Variants in SLC25A20 observed in about 807,000 individuals in gnomAD.
The protein encoded by SLC25A20 is solute carrier family 25 member 20, also known as mitochondrial carnitine/acylcarnitine carrier protein.
SLC25A20 carries 29 observed loss-of-function variants against 39.7 expected under a neutral mutation model. That is an observed-to-expected ratio of 0.73 (90% CI 0.54 to 1.00). The LOEUF (loss-of-function observed/expected upper bound fraction) is 1.00. Ranked by LOEUF, SLC25A20 falls within the 50% of genes least tolerant of loss-of-function variation. The probability of loss-of-function intolerance (pLI) is 0.00; values close to 1 mark genes in which losing one functional copy is unlikely to be tolerated. For synonymous variants in SLC25A20, 103 were observed against 142.2 expected, an observed-to-expected ratio of 0.72 and a Z score of 1.96; for missense variants, 333 against 379.9, an observed-to-expected ratio of 0.88 and a Z score of 1.03.
At chr3:48,866,224 AATTAGAGGAGAG>A (rs2083667687) in intron 4 of SLC25A20, among the ~76,000 whole-genome samples, 2 of 151,976 alleles carry the variant, frequency 1.3e-5, no homozygotes, top group African/African-American at 4.8e-5. Context: ...CAGGTTTAAC[AATTAGAGGAGAG>A]GAACTGGAAA....
chr3:48,898,765 C>G lies in SLC25A20; in HGVS notation c.30G>C (p.Pro10=). 1.2e-6 allele frequency: 2 copies of G among 1,601,276 alleles called. No homozygotes were observed. The highest frequency in any genetic ancestry group is 1.7e-4 in the Middle Eastern group (1 of 5,926). The change falls in exon 1 of 9, where the codon CCG becomes CCC. Residue 10 remains proline (P), a synonymous_variant. Coordinates refer to ENST00000319017, the MANE Select transcript of SLC25A20 (RefSeq NM_000387.6). ...AGCCGCCGGCCAGCAGGTTCTTGAG[C>G]GGGCTGATGGGTTTTGGCTGGTCGG... MADQPKPIS[P]LKNLLAGGFG...
At chr3:48,896,318 C>G (rs2083909493) in intron 1 of SLC25A20, among the ~76,000 whole-genome samples, 1 of 151,412 alleles carries the variant, frequency 6.6e-6, no homozygotes, top group African/African-American at 2.4e-5. Flanking sequence ...TACAGATGTG[C>G]ACCACCATGC....
At chr3:48,869,750 T>A (rs2083700418) in intron 4 of SLC25A20, among the ~76,000 whole-genome samples, 1 of 151,976 alleles carries the variant, frequency 6.6e-6, no homozygotes, top group Non-Finnish European at 1.5e-5. Flanking sequence ...AGTTTCAGGA[T>A]GCAGTAAGCC....
intron 5 of SLC25A20, among the ~76,000 whole-genome samples, chr3:48,860,184 C>A (rs1429697282): frequency 1.3e-5 from 2 of 151,856 alleles, no homozygotes; most frequent in Admixed American, 6.6e-5. Flanking sequence ...ACCTGTAATC[C>A]CAGCTACTCA....
intron 4 of SLC25A20, among the ~76,000 whole-genome samples, chr3:48,872,503 C>T (rs545267309): frequency 7.3e-5 from 11 of 150,998 alleles, no homozygotes; most frequent in Admixed American, 6.6e-5. Flanking sequence ...ATGATATAAG[C>T]GGAGGTCAAA....
chr3:48,882,699 C>T (rs1258841106), intron 3 of SLC25A20, among the ~76,000 whole-genome samples: 1 of 151,926 alleles, frequency 6.6e-6, no homozygotes, highest in African/African-American at 2.4e-5. Context: ...CCCGCCGCCC[C>T]GACACACACA....
intron 4 of SLC25A20, among the ~76,000 whole-genome samples, chr3:48,867,153 G>T (rs932185843): frequency 6.6e-6 from 1 of 152,046 alleles, no homozygotes; most frequent in Non-Finnish European, 1.5e-5. Flanking sequence ...TGTTGCCCAG[G>T]CTGGTCTCAA....
At chr3:48,895,639 G>T in intron 1 of SLC25A20, 9 of 243,034 alleles carry the variant, frequency 3.7e-5, no homozygotes, top group South Asian at 8.8e-5. Context: ...TATTATTCTT[G>T]TATTTGTCAG....
At chr3:48,891,295 G>T (rs2083874249) in intron 2 of SLC25A20, among the ~76,000 whole-genome samples, 1 of 151,714 alleles carries the variant, frequency 6.6e-6, no homozygotes, top group Non-Finnish European at 1.5e-5. Context: ...GGGTGGTCTT[G>T]AACTCCTGAA....
At chr3:48,876,521 A>C (rs1220019812) in intron 4 of SLC25A20, among the ~76,000 whole-genome samples, 2 of 142,612 alleles carry the variant, frequency 1.4e-5, no homozygotes, top group Non-Finnish European at 3.0e-5. Context: ...CACCTCCTGG[A>C]TTCAAGTGAT....
chr3:48,862,491 C>A, intron 5 of SLC25A20, 51 bp downstream of exon 5: 1 of 1,159,912 alleles, frequency 8.6e-7, no homozygotes, highest in South Asian at 1.2e-5. Flanking sequence ...GCAGCAGACC[C>A]ACCTCAGGTG....
chr3:48,879,667 G>A (rs933186487), intron 3 of SLC25A20, among the ~76,000 whole-genome samples: 1 of 152,178 alleles, frequency 6.6e-6, no homozygotes, highest in African/African-American at 2.4e-5. Flanking sequence ...CAAGAGCAAT[G>A]GGAGTCTGGC....
chr3:48,860,795 A>G (rs1316560577), intron 5 of SLC25A20, among the ~76,000 whole-genome samples: 1 of 151,412 alleles, frequency 6.6e-6, no homozygotes, highest in African/African-American at 2.4e-5. Flanking sequence ...CTCAAAAAAA[A>G]AAGAAAAAGA....
intron 4 of SLC25A20, among the ~76,000 whole-genome samples, chr3:48,869,398 A>G (rs2083695675): frequency 6.6e-6 from 1 of 152,178 alleles, no homozygotes; most frequent in Non-Finnish European, 1.5e-5. Context: ...CTGTACTCCC[A>G]GCACTTTGGG....
intron 2 of SLC25A20, among the ~76,000 whole-genome samples, chr3:48,889,882 G>A (rs747204035): frequency 8.5e-5 from 13 of 152,134 alleles, no homozygotes; most frequent in Non-Finnish European, 1.5e-4. Flanking sequence ...TATAGGGTCC[G>A]GTGCTGAAGG....
Position 48,876,899 on chromosome 3 carries a change from C to G in SLC25A20, c.417+2459G>C, listed in dbSNP as rs563324135. On this transcript the variant is annotated intron_variant, in intron 4 of 8. Transcript: ENST00000319017. Reference sequence around the variant, plus strand: ...TCACCTCAGGTCAGGAGCTCAAGACCACCCTGATCAACATGGCAAAATCCT... The same window carrying G: ...TCACCTCAGGTCAGGAGCTCAAGACGACCCTGATCAACATGGCAAAATCCT... 2.0e-5 allele frequency among the ~76,000 whole-genome samples: 3 copies of G among 150,982 alleles called. No homozygotes were observed. The East Asian group carries it at 6.0e-4, about 30-fold the overall frequency.
At chr3:48,862,033 A>C (rs1353972013) in intron 5 of SLC25A20, among the ~76,000 whole-genome samples, 1 of 152,198 alleles carries the variant, frequency 6.6e-6, no homozygotes, top group Non-Finnish European at 1.5e-5. Flanking sequence ...CATCTCAAAA[A>C]ATAAAATAAA....
chr3:48,897,346 A>AAT (rs34139351), intron 1 of SLC25A20, among the ~76,000 whole-genome samples: 2,015 of 121,294 alleles, frequency 0.017, 91 homozygotes, highest in African/African-American at 0.052. Context: ...TGTGTGTGTG[A>AAT]ATATATATAT....
rs1279890593 is a variant in SLC25A20, at chr3:48,894,726, A to G, written c.106-2654T>C. Among the ~76,000 whole-genome samples the G allele has an allele frequency of 6.6e-5, 10 of 152,348 alleles. No homozygotes were observed. In the South Asian group the frequency reaches 8.3e-4, roughly 13 times the overall value. On this transcript the variant is annotated intron_variant, in intron 1 of 8. Coordinates refer to ENST00000319017, the MANE Select transcript of SLC25A20 (RefSeq NM_000387.6). ...CTGCAGCCTTAAACTCCTGGGCTCA[A>G]GTGATCCTCCTGCCTCATTGGAGGA...
Sources: allele counts gnomAD v4.1 joint callset (sites outside exome capture counted in the v4.1 genomes callset), GRCh38; gene constraint gnomAD v4.1.1; transcripts MANE v1.5; gene names NCBI Gene and HGNC (gene_info 2026-07-23, HGNC 2026-07-21).